RYR3: variants seen among roughly 807,000 people sequenced by gnomAD.
RYR3 encodes the protein brain ryanodine receptor-calcium release channel.
Under a neutral mutation model 584.3 loss-of-function variants are expected in RYR3, and 207 were observed. The ratio of observed to expected loss-of-function variants is 0.35; its 90% CI spans 0.32 to 0.40. The LOEUF is 0.40. Among genes scored for constraint, RYR3 ranks in the 10% least tolerant of loss-of-function variants. RYR3 has a pLI of 1.00. For synonymous variants in RYR3, 2,416 were observed against 2,248.5 expected (o/e 1.07, Z -2.11); for missense variants, 5,616 against 6,089.2 (o/e 0.92, Z 2.59).
At chr15:33,359,029 A>G (rs1192744336) in intron 1 of RYR3, among the ~76,000 whole-genome samples, 3 of 152,298 alleles carry the variant, frequency 2.0e-5, no homozygotes, top group Middle Eastern at 3.4e-3. Context: ...GAGCCAACCT[A>G]TGAAGTAGGA....
chr15:33,619,361 G>A (rs1023457163), intron 19 of RYR3, among the ~76,000 whole-genome samples: 11 of 152,116 alleles, frequency 7.2e-5, no homozygotes, highest in Non-Finnish European at 1.3e-4. Flanking sequence ...GGGATGCTGG[G>A]TGATTCCATG....
At chr15:33,799,175 C>G (rs2075782801) in intron 67 of RYR3, among the ~76,000 whole-genome samples, 1 of 152,134 alleles carries the variant, frequency 6.6e-6, no homozygotes. Flanking sequence ...ATAGAATTTC[C>G]TGAGGGAAAG....
At chr15:33,648,970 G>A in intron 30 of RYR3, 102 bp from the exon 31 acceptor site, 1 of 1,157,536 alleles carries the variant, frequency 8.6e-7, no homozygotes, top group Non-Finnish European at 1.2e-6. Context: ...AAAAAAAGGG[G>A]GGGCCAAGTG....
At chr15:33,648,069 T>G (rs2062211239) in intron 30 of RYR3, among the ~76,000 whole-genome samples, 1 of 151,538 alleles carries the variant, frequency 6.6e-6, no homozygotes, top group Non-Finnish European at 1.5e-5. Context: ...CCTGAATTTG[T>G]AGGTTAACTC....
chr15:33,769,459 G>A (rs941113567), intron 62 of RYR3, among the ~76,000 whole-genome samples: 1 of 152,208 alleles, frequency 6.6e-6, no homozygotes, highest in Non-Finnish European at 1.5e-5. Flanking sequence ...AACCCCACTG[G>A]TGGGTGGTGA....
At chr15:33,513,211 T>C (rs2053197238) in intron 3 of RYR3, among the ~76,000 whole-genome samples, 1 of 152,238 alleles carries the variant, frequency 6.6e-6, no homozygotes, top group South Asian at 2.1e-4. Flanking sequence ...GAGTTTAAAT[T>C]ACATATTTGT....
Position 33,311,049 on chromosome 15 carries a change from G to A in RYR3, c.4G>A (p.Ala2Thr). Reference protein sequence around the residue: MAEGGEGGEDEI... With the variant: MTEGGEGGEDEI... ...CACCGCCGACGCCTCGGGAGCCATG[G>A]CCGAAGGGGGAGAAGGAGGCGAGGA... The change falls in exon 1 of 104, where the codon GCC becomes ACC. Residue 2 changes from alanine (A) to threonine (T), a missense_variant. Ala to Thr is a moderately conservative substitution (Grantham distance 58). Coordinates refer to ENST00000634891, the MANE Select transcript of RYR3 (RefSeq NM_001036.6). The surrounding 1 kb of genome is among the most constrained non-coding windows in gnomAD (Gnocchi z 4.4). 1 of 1,581,832 alleles carries A rather than the reference G, an allele frequency of 6.3e-7. No homozygotes were observed. Among genetic ancestry groups the A allele is most frequent in the East Asian group, 2.4e-5 (1 of 41,110 alleles).
At chr15:33,653,070 A>G (rs1042888100) in intron 32 of RYR3, among the ~76,000 whole-genome samples, 187 bp downstream of exon 32, 2 of 152,228 alleles carry the variant, frequency 1.3e-5, no homozygotes, top group Admixed American at 6.5e-5. Context: ...AGAGAAAAAA[A>G]GGCTGGGCAA....
At chr15:33,353,667 G>T (rs1488922366) in intron 1 of RYR3, among the ~76,000 whole-genome samples, 1 of 152,174 alleles carries the variant, frequency 6.6e-6, no homozygotes, top group Non-Finnish European at 1.5e-5. Flanking sequence ...TGAATCCACA[G>T]ATCATGAAGT....
intron 19 of RYR3, among the ~76,000 whole-genome samples, chr15:33,618,128 A>G (rs943906095): frequency 3.3e-5 from 5 of 152,184 alleles, no homozygotes; most frequent in Admixed American, 6.5e-5. Context: ...ATTATACAGA[A>G]AGCCATAGTA....
At chr15:33,465,715 A>G (rs1279227033) in intron 1 of RYR3, 1 of 519,066 alleles carries the variant, frequency 1.9e-6, no homozygotes, top group Non-Finnish European at 3.8e-6. Flanking sequence ...TGATTACAAT[A>G]GTTGTGACAA....
intron 69 of RYR3, among the ~76,000 whole-genome samples, chr15:33,802,586 G>A (rs1057459714): frequency 1.3e-5 from 2 of 152,166 alleles, no homozygotes; most frequent in African/African-American, 4.8e-5. Context: ...AATACAAGGG[G>A]CACAAGTTAG....
At chr15:33,610,127 G>A (rs1321662703) in intron 18 of RYR3, among the ~76,000 whole-genome samples, 1 of 152,102 alleles carries the variant, frequency 6.6e-6, no homozygotes, top group Non-Finnish European at 1.5e-5. Context: ...CAAGCTGGAT[G>A]CTCCTGTCCA....
chr15:33,574,911 C>G (rs984780427), intron 12 of RYR3, among the ~76,000 whole-genome samples: 1 of 151,980 alleles, frequency 6.6e-6, no homozygotes, highest in Non-Finnish European at 1.5e-5. Flanking sequence ...CATGCATAAG[C>G]TTGAAATAAA....
chr15:33,757,698 T>G (rs2071985710), intron 60 of RYR3, 102 bp downstream of exon 60: 1 of 1,296,564 alleles, frequency 7.7e-7, no homozygotes, highest in Non-Finnish European at 1.1e-6. Flanking sequence ...GAAATGAAAC[T>G]GGATGATGTT....
rs746697845 is a variant in RYR3, at chr15:33,649,255, G to A, written c.4142+20G>A. 2 of 1,604,218 alleles carry A rather than the reference G, an allele frequency of 1.2e-6. No individual in the cohort carries two copies. The highest frequency in any genetic ancestry group is 8.5e-7 in the Non-Finnish European group (1 of 1,176,014). The stretch of plus-strand genomic sequence containing the variant: ...TGAAAGGTAAGGGGGCTCCCAAGTG[G>A]CAGGGTTAGCCATCGGGCTTCTCAG... On this transcript the variant is annotated intron_variant, in intron 31 of 103. Transcript: ENST00000634891.
intron 5 of RYR3, among the ~76,000 whole-genome samples, chr15:33,533,947 T>C (rs1431440733): frequency 2.6e-5 from 4 of 152,336 alleles, no homozygotes; most frequent in Non-Finnish European, 2.9e-5. Context: ...ACAAAACTTA[T>C]TGCCGTAAGT....
At chr15:33,772,582 C>A (rs7165295) in intron 63 of RYR3, among the ~76,000 whole-genome samples, 59,170 of 151,928 alleles carry the variant, frequency 0.39, 11,708 homozygotes, top group South Asian at 0.47. Flanking sequence ...CTAACATTTC[C>A]TTATCTGAGC....
chr15:33,494,157 G>C (rs2051217569), intron 2 of RYR3, among the ~76,000 whole-genome samples: 1 of 151,654 alleles, frequency 6.6e-6, no homozygotes, highest in South Asian at 2.1e-4. Flanking sequence ...CAAGTCTTTT[G>C]TCAAAGGATA....
Sources: gnomAD v4.1 joint callset for allele counts (sites outside exome capture counted in the v4.1 genomes callset) on GRCh38, gnomAD v4.1.1 for gene constraint, Gnocchi (gnomAD v3.1) non-coding constraint, MANE v1.5 for transcripts, NCBI Gene and HGNC (gene_info 2026-07-23, HGNC 2026-07-21) for gene names.